PDE1C: variants seen among roughly 807,000 people sequenced by gnomAD.
PDE1C encodes dual specificity calcium/calmodulin-dependent 3',5'-cyclic nucleotide phosphodiesterase 1C.
PDE1C carries 62 observed loss-of-function variants against 93.1 expected under a neutral mutation model. That is an observed-to-expected ratio of 0.67 (90% confidence interval 0.54 to 0.82). The LOEUF (loss-of-function observed/expected upper bound fraction) is 0.82, where lower values mean the gene tolerates loss of function less well. Among genes scored for constraint, PDE1C ranks in the 40% least tolerant of loss-of-function variants. The pLI, the probability that PDE1C is intolerant of heterozygous loss-of-function variation, is 0.00. For missense variants in PDE1C, 742 were observed against 884.6 expected, an observed-to-expected ratio of 0.84 and a Z score of 2.04; for synonymous variants, 325 against 310.1, an observed-to-expected ratio of 1.05 and a Z score of -0.50.
chr7:31,619,982 C>A, the PDE1C span, among the ~76,000 whole-genome samples: 3 of 152,196 alleles, frequency 2.0e-5, no homozygotes, highest in Admixed American at 1.3e-4. Context: ...GCGGGTCCTA[C>A]GCCCACGGAG....
At chr7:32,205,999 A>G (rs1349104606) in intron 2 of PDE1C, among the ~76,000 whole-genome samples, 2 of 152,166 alleles carry the variant, frequency 1.3e-5, no homozygotes, top group Non-Finnish European at 2.9e-5. Context: ...GAGACCAAGA[A>G]CCCACCAGAA....
At chr7:31,919,618 G>A (rs1405695815) in intron 2 of PDE1C, among the ~76,000 whole-genome samples, 1 of 151,894 alleles carries the variant, frequency 6.6e-6, no homozygotes, top group East Asian at 1.9e-4. Context: ...AAAAAACGAG[G>A]GCAAACCAAC....
chr7:31,798,086 C>T (rs1052339690), intron 16 of PDE1C, among the ~76,000 whole-genome samples: 5 of 151,732 alleles, frequency 3.3e-5, no homozygotes, highest in Admixed American at 2.0e-4. Context: ...CACCAAGCAA[C>T]CTTCTGATAC....
intron 3 of PDE1C, among the ~76,000 whole-genome samples, chr7:32,144,332 C>A (rs1040743887): frequency 3.3e-5 from 5 of 152,138 alleles, no homozygotes; most frequent in Admixed American, 1.3e-4. Flanking sequence ...CTGGCAGCTC[C>A]AGACATGAAT....
chr7:32,230,849 G>A (rs376652857), intron 1 of PDE1C, among the ~76,000 whole-genome samples: 2 of 152,104 alleles, frequency 1.3e-5, no homozygotes, highest in Non-Finnish European at 2.9e-5. Context: ...CAAAGCTTTA[G>A]AGTAAGTCAT....
intron 1 of PDE1C, among the ~76,000 whole-genome samples, chr7:32,365,386 A>C (rs1271897696): frequency 6.6e-6 from 1 of 152,158 alleles, no homozygotes; most frequent in Non-Finnish European, 1.5e-5. Context: ...AGGCCTGAGA[A>C]ACAGCCCAGG....
At chr7:31,969,547 C>G (rs899820021) in intron 2 of PDE1C, among the ~76,000 whole-genome samples, 14 of 152,266 alleles carry the variant, frequency 9.2e-5, no homozygotes, top group African/African-American at 3.4e-4. Flanking sequence ...GTTGGGAGGA[C>G]TGTAAACTAG....
chr7:32,272,825 C>A (rs1208303156), intron 1 of PDE1C, among the ~76,000 whole-genome samples: 1 of 152,130 alleles, frequency 6.6e-6, no homozygotes, highest in African/African-American at 2.4e-5. Flanking sequence ...CACCATTAAG[C>A]AATGAACTGG....
chr7:32,003,840 A>C (rs10280373), intron 2 of PDE1C, among the ~76,000 whole-genome samples: 43,816 of 152,130 alleles, frequency 0.29, 6,599 homozygotes, highest in African/African-American at 0.36. Flanking sequence ...AAACATTTTT[A>C]CTCTTATGGG....
intron 1 of PDE1C, among the ~76,000 whole-genome samples, chr7:32,365,963 A>C (rs2128086426): frequency 6.6e-6 from 1 of 152,316 alleles, no homozygotes; most frequent in Admixed American, 6.5e-5. Context: ...ATAAAATTGG[A>C]GGAGGTGACT....
At chr7:32,147,279 A>G (rs866280924) in intron 3 of PDE1C, among the ~76,000 whole-genome samples, 83 of 94,098 alleles carry the variant, frequency 8.8e-4, no homozygotes, top group African/African-American at 2.0e-3. Flanking sequence ...AAAAAAAGAA[A>G]GAAAGAAAGA....
chr7:31,985,710 T>C (rs763565168), intron 2 of PDE1C, among the ~76,000 whole-genome samples: 15 of 152,146 alleles, frequency 9.9e-5, no homozygotes, highest in Non-Finnish European at 1.9e-4. Context: ...CCGAGAATGA[T>C]GGTTTCCAGC....
At chr7:31,933,104 T>C (rs1158684617) in intron 2 of PDE1C, among the ~76,000 whole-genome samples, 2 of 151,822 alleles carry the variant, frequency 1.3e-5, no homozygotes, top group African/African-American at 2.4e-5. Context: ...TTAGGACAAA[T>C]ACCTAATGCA....
At chr7:31,776,056 A>G (rs2128630873) in intron 16 of PDE1C, among the ~76,000 whole-genome samples, 1 of 152,296 alleles carries the variant, frequency 6.6e-6, no homozygotes, top group South Asian at 2.1e-4. Flanking sequence ...CCCCCACAGT[A>G]CAGGGGTGGA....
intron 17 of PDE1C, among the ~76,000 whole-genome samples, chr7:31,768,666 G>A (rs1164641507): frequency 1.3e-5 from 2 of 152,136 alleles, no homozygotes; most frequent in East Asian, 1.9e-4. Context: ...CACAAAAGTC[G>A]GATGTTATTT....
intron 2 of PDE1C, among the ~76,000 whole-genome samples, chr7:31,924,903 C>A (rs1331352855): frequency 6.6e-6 from 1 of 152,208 alleles, no homozygotes; most frequent in Non-Finnish European, 1.5e-5. Context: ...AAAAAGCAGT[C>A]TTTAATTCAG....
chr7:31,796,109 A>G, intron 16 of PDE1C, among the ~76,000 whole-genome samples: 2 of 150,576 alleles, frequency 1.3e-5, no homozygotes, highest in Admixed American at 1.3e-4. Context: ...ATATACACAC[A>G]CATATATATA....
At chr7:31,996,017 C>T (rs1013927629) in intron 2 of PDE1C, among the ~76,000 whole-genome samples, 1 of 151,448 alleles carries the variant, frequency 6.6e-6, no homozygotes, top group Admixed American at 6.6e-5. Flanking sequence ...TAGCAGGAAG[C>T]TTCCACTCTG....
chr7:32,090,644 C>G (rs537110851), intron 3 of PDE1C, among the ~76,000 whole-genome samples: 1 of 152,322 alleles, frequency 6.6e-6, no homozygotes, highest in African/African-American at 2.4e-5. Flanking sequence ...AAGGATGGAT[C>G]AAGGATGCCC....
Sources: gnomAD v4.1 joint callset for allele counts (sites outside exome capture counted in the v4.1 genomes callset) on GRCh38, gnomAD v4.1.1 for gene constraint, MANE v1.5 for transcripts, NCBI Gene and HGNC (gene_info 2026-07-23, HGNC 2026-07-21) for gene names.